The following GOLIM4 variants were observed in gnomAD, a reference collection of about 807,000 sequenced individuals.
GOLIM4 encodes the protein 130 kDa golgi-localized phosphoprotein.
A neutral mutation model predicts 107.4 loss-of-function variants in GOLIM4; 71 were observed. The observed-to-expected ratio is 0.66, with a 90% CI of 0.55 to 0.81. The LOEUF is 0.81. Among genes scored for constraint, GOLIM4 ranks in the 30% least tolerant of loss-of-function variants. GOLIM4 has a pLI of 0.00. For synonymous variants in GOLIM4, 327 were observed against 294.8 expected, an observed-to-expected ratio of 1.11 and a Z score of -1.12; for missense variants, 830 against 826.1, an observed-to-expected ratio of 1.00 and a Z score of -0.06.
At chr3:168,089,354 C>G (rs1721783260) in intron 1 of GOLIM4, among the ~76,000 whole-genome samples, 1 of 152,198 alleles carries the variant, frequency 6.6e-6, no homozygotes, top group Non-Finnish European at 1.5e-5. Context: ...ACATTGCCCA[C>G]ACTTGTGGTC....
chr3:168,094,188 T>TAAATTC (rs966714414), intron 1 of GOLIM4, among the ~76,000 whole-genome samples: 2 of 152,252 alleles, frequency 1.3e-5, no homozygotes, highest in Non-Finnish European at 2.9e-5. Flanking sequence ...ACGTTAAAAG[T>TAAATTC]AAATTCAAAT....
chr3:168,044,909 A>C, intron 3 of GOLIM4, 28 bp from the exon 4 acceptor site: 2 of 1,339,678 alleles, frequency 1.5e-6, no homozygotes, highest in Non-Finnish European at 2.1e-6. Context: ...AAAAGAAAAC[A>C]CAAAGATAAA....
intron 2 of GOLIM4, among the ~76,000 whole-genome samples, chr3:168,048,042 A>G (rs1192608120): frequency 1.3e-5 from 2 of 152,136 alleles, no homozygotes; most frequent in Non-Finnish European, 1.5e-5. Flanking sequence ...TCCTGAAATA[A>G]TAAGTGTAAC....
chr3:168,055,242 G>A (rs1719878300), intron 1 of GOLIM4, among the ~76,000 whole-genome samples: 1 of 152,144 alleles, frequency 6.6e-6, no homozygotes, highest in South Asian at 2.1e-4. Context: ...AAAGATGTGG[G>A]ACAGTTTGGA....
rs1270348221 is a variant in GOLIM4 at position 168,060,751 on chromosome 3, C to T, written c.188-12386G>A. Reference sequence around the variant, plus strand: ...GGGCCCAACTCAAATCTACTGAATCCGAATTTACTGGCAATCTGAAAGTTT... The same window carrying T: ...GGGCCCAACTCAAATCTACTGAATCTGAATTTACTGGCAATCTGAAAGTTT... On this transcript the variant is annotated intron_variant, in intron 1 of 15. Transcript: ENST00000470487. Among the ~76,000 whole-genome samples the T allele has an allele frequency of 3.9e-5, 6 of 152,144 alleles. No individual in the cohort carries two copies. The South Asian group carries it at 6.2e-4, about 16-fold the overall frequency.
In GOLIM4 at chr3:168,029,838, C is replaced by T; in HGVS notation, c.1375G>A (p.Ala459Thr). 1 of 1,614,110 alleles carries T rather than the reference C, an allele frequency of 6.2e-7. No homozygotes were observed. The highest frequency in any genetic ancestry group is 8.5e-7 in the Non-Finnish European group (1 of 1,180,020). The change falls in exon 10 of 16, where the codon GCC becomes ACC. Residue 459 changes from alanine to threonine, a missense_variant. Transcript: ENST00000470487. ...QQQQQVAREM[A>T]LQRQAELEEG... ...TCAAGCTCAGCCTGCCTCTGCAGGG[C>T]CATCTCTCTTGCCACCTGCTGCTGC... is the stretch of plus-strand genomic sequence containing the variant.
chr3:168,071,248 TTCTA>T (rs1720816306), intron 1 of GOLIM4, among the ~76,000 whole-genome samples: 1 of 152,226 alleles, frequency 6.6e-6, no homozygotes, highest in Non-Finnish European at 1.5e-5. Context: ...TTCAAGTTCC[TTCTA>T]TCTTTTACTA....
chr3:168,033,485 T>C (rs1000062286), intron 8 of GOLIM4, among the ~76,000 whole-genome samples: 18 of 151,338 alleles, frequency 1.2e-4, no homozygotes, highest in African/African-American at 1.9e-4. Context: ...CGGGCGCCTG[T>C]AGTCCCAGCT....
intron 1 of GOLIM4, among the ~76,000 whole-genome samples, chr3:168,073,880 C>T (rs1720949957): frequency 6.6e-6 from 1 of 152,154 alleles, no homozygotes; most frequent in Non-Finnish European, 1.5e-5. Context: ...TCCCCAGTGA[C>T]CTCTAGCACC....
intron 8 of GOLIM4, among the ~76,000 whole-genome samples, chr3:168,034,754 T>C (rs78866050): frequency 0.012 from 1,797 of 152,272 alleles, 33 homozygotes; most frequent in African/African-American, 0.041. Context: ...GGGTCAAGTC[T>C]TTCCCGTGCT....
At chr3:168,073,943 GCTGA>G (rs1304835570) in intron 1 of GOLIM4, among the ~76,000 whole-genome samples, 2 of 152,134 alleles carry the variant, frequency 1.3e-5, no homozygotes, top group Non-Finnish European at 2.9e-5. Flanking sequence ...AATGGGGCTG[GCTGA>G]CTAACAGCCT....
chr3:168,063,717 G>A (rs1323204931), intron 1 of GOLIM4, among the ~76,000 whole-genome samples: 3 of 136,800 alleles, frequency 2.2e-5, no homozygotes, highest in Non-Finnish European at 4.7e-5. Flanking sequence ...GAAAGGGCAG[G>A]GGAGTGGGGG....
chr3:168,015,381 A>C (rs1717304712), intron 14 of GOLIM4, among the ~76,000 whole-genome samples: 1 of 148,156 alleles, frequency 6.7e-6, no homozygotes, highest in South Asian at 2.1e-4. Context: ...CTGCTCAAGA[A>C]AATAAAAGAG....
At chr3:168,026,947 G>A (rs990444747) in intron 12 of GOLIM4, among the ~76,000 whole-genome samples, 13 of 152,190 alleles carry the variant, frequency 8.5e-5, no homozygotes, top group African/African-American at 1.4e-4. Flanking sequence ...AGCACAGACC[G>A]ACTGTTATAA....
At chr3:168,056,784 A>G (rs1719996709) in intron 1 of GOLIM4, among the ~76,000 whole-genome samples, 1 of 152,130 alleles carries the variant, frequency 6.6e-6, no homozygotes, top group South Asian at 2.1e-4. Context: ...TTGTACCCTC[A>G]TTGTATCTAG....
chr3:168,076,818 T>A (rs904266594), intron 1 of GOLIM4, among the ~76,000 whole-genome samples: 15 of 152,230 alleles, frequency 9.9e-5, no homozygotes, highest in Admixed American at 9.8e-4. Flanking sequence ...ACTGAAAGAA[T>A]AGTCATAAAA....
chr3:168,035,360 C>A (rs754240913), intron 8 of GOLIM4, among the ~76,000 whole-genome samples: 2 of 152,170 alleles, frequency 1.3e-5, no homozygotes, highest in Non-Finnish European at 2.9e-5. Flanking sequence ...TTCACTGCAA[C>A]ACTATTCACA....
At chr3:168,021,599 G>C (rs1267257853) in intron 14 of GOLIM4, among the ~76,000 whole-genome samples, 3 of 152,082 alleles carry the variant, frequency 2.0e-5, no homozygotes, top group African/African-American at 7.2e-5. Flanking sequence ...CCGGAAGGCG[G>C]AGGTTGCAGT....
chr3:168,068,998 G>T (rs74862712), intron 1 of GOLIM4, among the ~76,000 whole-genome samples: 1,675 of 151,894 alleles, frequency 0.011, 30 homozygotes, highest in African/African-American at 0.039. Context: ...CACCATGTCC[G>T]ACTAATTTTT....
Sources: gnomAD v4.1 joint callset for allele counts (sites outside exome capture counted in the v4.1 genomes callset) on GRCh38, gnomAD v4.1.1 for gene constraint, MANE v1.5 for transcripts, NCBI Gene and HGNC (gene_info 2026-07-23, HGNC 2026-07-21) for gene names.